HELZ: variants seen among roughly 807,000 people sequenced by gnomAD.
The protein encoded by HELZ is helicase with zinc finger.
In HELZ, 23 loss-of-function variants were observed where a neutral mutation model predicts 218.2. The observed-to-expected ratio is 0.11, with a 90% CI of 0.08 to 0.15. The LOEUF (loss-of-function observed/expected upper bound fraction) is 0.15. Among genes scored for constraint, HELZ ranks in the 10% least tolerant of loss-of-function variants. The pLI, the probability that HELZ is intolerant of heterozygous loss-of-function variation, is 1.00. For missense variants in HELZ, 1,813 were observed against 2,353.7 expected, an observed-to-expected ratio of 0.77 and a Z score of 4.75; for synonymous variants, 814 against 829.4, an observed-to-expected ratio of 0.98 and a Z score of 0.32.
At chr17:67,179,560 A>G (rs1319473526) in intron 12 of HELZ, 1 of 152,238 alleles carries the variant, frequency 6.6e-6, no homozygotes, top group Admixed American at 6.5e-5. Flanking sequence ...GTAGGGCACA[A>G]TGTCAAAACA....
intron 4 of HELZ, among the ~76,000 whole-genome samples, chr17:67,217,860 C>G (rs576022935): frequency 6.6e-6 from 1 of 151,942 alleles, no homozygotes; most frequent in South Asian, 2.1e-4. Flanking sequence ...CCCTGTTCTC[C>G]TTTTTTCATG....
At chr17:67,245,234 CCCCCCGG>C, upstream of HELZ, 1 of 979,678 alleles carries the variant, frequency 1.0e-6, no homozygotes, top group Non-Finnish European at 1.2e-6. Context: ...TAAAGTGACT[CCCCCCGG>C]CCCCCGACTC....
intron 12 of HELZ, among the ~76,000 whole-genome samples, chr17:67,181,653 T>A (rs1174224587): frequency 2.6e-5 from 4 of 152,118 alleles, no homozygotes; most frequent in African/African-American, 9.7e-5. Flanking sequence ...TTACTTTTTT[T>A]AATGACTTTA....
In HELZ at chr17:67,226,934, T is replaced by C. The variant is rs570585417; in HGVS notation, c.-18-8112A>G. Reference sequence around the variant, plus strand: ...ATTTATACAATCTTATTCTCAAAAATATAAAACTATAAAAATGAAGAACAA... The same window carrying C: ...ATTTATACAATCTTATTCTCAAAAACATAAAACTATAAAAATGAAGAACAA... On this transcript the variant is annotated intron_variant, in intron 3 of 32. Transcript: ENST00000358691. 1.1e-4 allele frequency among the ~76,000 whole-genome samples: 17 copies of C among 152,208 alleles called. No individual in the cohort carries two copies. In the South Asian group the frequency reaches 3.3e-3, roughly 30 times the overall value.
Position 67,074,316 on chromosome 17 carries a change from C to T in HELZ, c.*3936G>A, listed in dbSNP as rs1464150085. 6.6e-6 allele frequency: 1 copy of T among 151,014 alleles called. No individual in the cohort carries two copies. The highest frequency in any genetic ancestry group is 2.4e-5 in the African/African-American group (1 of 41,146). 9.4% of individuals were successfully genotyped at this position (151,014 alleles called of 1,614,324 possible). A position where few individuals can be genotyped will look rare whatever the true frequency, so the allele number is the denominator to read the frequency against. ...AAGCACCAATTTGTATCTTTCAATA[C>T]ATTTAAAGTTTTAACCTTGTATTTT... is the stretch of plus-strand genomic sequence containing the variant. On this transcript the variant is annotated 3_prime_UTR_variant, in exon 33 of 33. Transcript: ENST00000358691.
chr17:67,127,662 A>G (rs766922603), intron 24 of HELZ, among the ~76,000 whole-genome samples: 16 of 152,190 alleles, frequency 1.1e-4, no homozygotes, highest in Non-Finnish European at 2.2e-4. Context: ...AGCCTGGGCA[A>G]CATGCTAAAC....
intron 7 of HELZ, among the ~76,000 whole-genome samples, chr17:67,195,838 C>CTTTTTTTTTTTTTTTTTTTTTT (rs66827855): frequency 6.9e-5 from 7 of 101,544 alleles, no homozygotes; most frequent in Non-Finnish European, 8.8e-5. Context: ...GTTTCTTTTC[C>CTTTTTTTTTTTTTTTTTTTTTT]TTTTTTTTTT....
At chr17:67,160,157 A>G (rs1180250955) in intron 17 of HELZ, 104 bp downstream of exon 17, 3 of 705,406 alleles carry the variant, frequency 4.3e-6, no homozygotes, top group Non-Finnish European at 7.4e-6. Flanking sequence ...ATGTCAATGC[A>G]TAAAGACTTT....
In HELZ at chr17:67,108,719, T is replaced by C; in HGVS notation, c.4497A>G (p.Ile1499Met). Reference protein sequence around the residue: ...GLPIGEALDRIHGSVALETLR... With the variant: ...GLPIGEALDRMHGSVALETLR... ...ATGTTTCCAGAGCGACACTCCCATG[T>C]ATACGATCTGCAAAAATATTTGTGA... Residue 1499 changes from isoleucine to methionine, a missense_variant, in exon 30 of 33, where the codon ATA becomes ATG. Physicochemically the swap from Ile to Met is conservative, Grantham distance 10. Coordinates refer to ENST00000358691, the MANE Select transcript of HELZ (RefSeq NM_014877.4). This position sits in a 1 kb window ranked among gnomAD's most constrained non-coding sequence, Gnocchi z 4.1. The C allele has an allele frequency of 6.4e-7, 1 of 1,569,308 alleles. No homozygotes were observed.
chr17:67,191,587 G>T (rs1422514838), intron 9 of HELZ, among the ~76,000 whole-genome samples: 1 of 151,938 alleles, frequency 6.6e-6, no homozygotes, highest in Non-Finnish European at 1.5e-5. Context: ...GAGTAGCTGG[G>T]ATTACAGGTG....
chr17:67,190,036 T>C lies in HELZ; in HGVS notation c.756+121A>G, dbSNP rs8065480. On this transcript the variant is annotated intron_variant, in intron 10 of 32. Transcript: ENST00000358691. ...TATAGCTACTAAAAACATCATTCTA[T>C]CAGAATCAAGTTCTTTGCAAAGAAG... 30,566 of 782,904 alleles carry C rather than the reference T, an allele frequency of 0.039. 2,515 individuals are homozygous for C. The highest frequency in any genetic ancestry group is 0.28 in the African/African-American group (15,961 of 58,002). The allele number at this position is 782,904 out of a possible 1,614,324, so 48.5% of individuals were successfully genotyped here. A position where few individuals can be genotyped will look rare whatever the true frequency, so the allele number is the denominator to read the frequency against.
At position 67,140,438 on chromosome 17, in the gene HELZ, T is replaced by C. The variant is rs546552295; in HGVS notation, c.2770-2324A>G. 3.3e-5 allele frequency among the ~76,000 whole-genome samples: 5 copies of C among 152,226 alleles called. No individual in the cohort carries two copies. In the South Asian group the frequency reaches 6.2e-4, roughly 19 times the overall value. ...CCCAGGAAGTGAAAAAGGAAAAACA[T>C]TGAAATGAAAAATTTATTGCCAGGA... On this transcript the variant is annotated intron_variant, in intron 21 of 32. Coordinates refer to ENST00000358691, the MANE Select transcript of HELZ (RefSeq NM_014877.4).
chr17:67,139,443 C>T (rs946293692), intron 21 of HELZ, among the ~76,000 whole-genome samples: 12 of 152,122 alleles, frequency 7.9e-5, no homozygotes, highest in Admixed American at 3.9e-4. Context: ...CTCTGCTGCG[C>T]CCTCCCACCC....
At chr17:67,158,699 T>C (rs2038913081) in intron 17 of HELZ, among the ~76,000 whole-genome samples, 1 of 152,022 alleles carries the variant, frequency 6.6e-6, no homozygotes, top group Admixed American at 6.6e-5. Flanking sequence ...CAGGTGTAAG[T>C]CTCTCTGTAA....
chr17:67,109,344 G>A lies in HELZ; in HGVS notation c.4261C>T (p.Pro1421Ser), dbSNP rs757202739. 5.0e-6 allele frequency: 8 copies of A among 1,614,080 alleles called. No homozygotes were observed. Among genetic ancestry groups the A allele is most frequent in the Non-Finnish European group, 5.9e-6 (7 of 1,180,058 alleles). ...TTGTTGGGTCCCGCCTGATATGCAG[G>A]AGAAAGCTGAGGAGGTGGCTGCTGA... ...QPQQPPPQLS[P>S]AYQAGPNNAF... The change falls in exon 29 of 33, where the codon CCT (proline) becomes TCT (serine). Residue 1421 changes from proline (P) to serine (S), a missense_variant. By Grantham distance (74) the Pro-to-Ser change is moderately conservative. Around this residue, in one of 4 missense-constraint regions of HELZ, gnomAD observed 938 missense variants for 1,027.5 expected, o/e 0.91. Coordinates refer to ENST00000358691, the MANE Select transcript of HELZ (RefSeq NM_014877.4).
intron 17 of HELZ, among the ~76,000 whole-genome samples, chr17:67,151,525 T>C (rs2038682275): frequency 6.6e-6 from 1 of 152,248 alleles, no homozygotes; most frequent in Non-Finnish European, 1.5e-5. Flanking sequence ...ACGTAAGATT[T>C]ATAAGCACTA....
intron 8 of HELZ, among the ~76,000 whole-genome samples, chr17:67,194,974 G>A (rs1567880833): frequency 6.6e-6 from 1 of 152,158 alleles, no homozygotes; most frequent in Non-Finnish European, 1.5e-5. Flanking sequence ...CATTCAGCAG[G>A]CACTCAATGA....
At chr17:67,175,441 G>T (rs2039428401) in intron 13 of HELZ, among the ~76,000 whole-genome samples, 1 of 152,022 alleles carries the variant, frequency 6.6e-6, no homozygotes, top group Non-Finnish European at 1.5e-5. Context: ...TTAAATTCAA[G>T]GCAACATTAA....
chr17:67,166,093 C>T (rs1398610322), intron 15 of HELZ, among the ~76,000 whole-genome samples: 1 of 152,090 alleles, frequency 6.6e-6, no homozygotes, highest in African/African-American at 2.4e-5. Context: ...AATGATCATG[C>T]CACTACACTT....
Sources: gnomAD v4.1 joint callset for allele counts (sites outside exome capture counted in the v4.1 genomes callset) on GRCh38, gnomAD v4.1.1 for gene constraint, gnomAD v4.1.1 regional missense constraint, Gnocchi (gnomAD v3.1) non-coding constraint, MANE v1.5 for transcripts, NCBI Gene and HGNC (gene_info 2026-07-23, HGNC 2026-07-21) for gene names.